The following SMURF2 variants were observed in gnomAD, a reference collection of about 807,000 sequenced individuals.
The protein encoded by SMURF2 is SMAD specific E3 ubiquitin protein ligase 2, also known as E3 ubiquitin-protein ligase SMURF2.
SMURF2 carries 48 observed loss-of-function variants against 109.6 expected under a neutral mutation model. That is an observed-to-expected ratio of 0.44 (90% CI 0.35 to 0.56). The LOEUF (loss-of-function observed/expected upper bound fraction) is 0.56. SMURF2 is among the 20% of genes least tolerant of loss of function. SMURF2 has a pLI of 0.01. For synonymous variants in SMURF2, 288 were observed against 317.1 expected (o/e 0.91, Z 0.97); for missense variants, 575 against 909.0 (o/e 0.63, Z 4.72).
chr17:64,611,101 C>T (rs1450044146), intron 1 of SMURF2, among the ~76,000 whole-genome samples: 2 of 152,184 alleles, frequency 1.3e-5, no homozygotes, highest in Non-Finnish European at 2.9e-5. Context: ...TGAAGTTCTT[C>T]AGGGTTTTGC....
chr17:64,560,946 A>T (rs2144603033), intron 12 of SMURF2: 1 of 145,872 alleles, frequency 6.9e-6, no homozygotes, highest in Admixed American at 7.1e-5. Context: ...AGCCTGGGTG[A>T]CAGAGGGAGA....
rs534403183 is a variant in SMURF2 at position 64,603,186 on chromosome 17, T to C, written c.91+3416A>G. 4.0e-5 allele frequency among the ~76,000 whole-genome samples: 6 copies of C among 151,236 alleles called. No individual in the cohort carries two copies. In the East Asian group the frequency reaches 1.2e-3, roughly 29 times the overall value. ...TTTAAATGACTTCAATTTGGCCCCC[T>C]ATAAAACACCTTATTACCTTACACA... On this transcript the variant is annotated intron_variant, in intron 2 of 18. Transcript: ENST00000262435.
intron 10 of SMURF2, among the ~76,000 whole-genome samples, chr17:64,566,505 G>GAA (rs144644076): frequency 8.4e-6 from 1 of 119,684 alleles, no homozygotes; most frequent in African/African-American, 2.9e-5. Flanking sequence ...TCCTTAAGAA[G>GAA]AAAAAAACAA....
At chr17:64,567,820 G>C (rs1969335446) in intron 10 of SMURF2, among the ~76,000 whole-genome samples, 1 of 149,184 alleles carries the variant, frequency 6.7e-6, no homozygotes, top group Non-Finnish European at 1.5e-5. Context: ...GTCCCAACTA[G>C]CTGGGATTAC....
chr17:64,636,535 G>A (rs1228627587), intron 1 of SMURF2, among the ~76,000 whole-genome samples: 2 of 150,394 alleles, frequency 1.3e-5, no homozygotes, highest in African/African-American at 4.9e-5. Flanking sequence ...CCCAGGAGGT[G>A]GAGGTTGAGT....
chr17:64,566,566 T>TG (rs1969309496), intron 10 of SMURF2, among the ~76,000 whole-genome samples: 1 of 63,184 alleles, frequency 1.6e-5, no homozygotes, highest in Non-Finnish European at 3.6e-5. Context: ...TTCTGGTTTT[T>TG]TTTTTTTTTT....
At chr17:64,613,741 T>G (rs1205543342) in intron 1 of SMURF2, among the ~76,000 whole-genome samples, 7 of 109,170 alleles carry the variant, frequency 6.4e-5, no homozygotes, top group African/African-American at 1.8e-4. Flanking sequence ...TGTGTGTGTG[T>G]GTGGAGGGGG....
At position 64,562,921 on chromosome 17, in the gene SMURF2, C is replaced by T. The variant is rs782761631; in HGVS notation, c.1062G>A (p.Ser354=). The T allele has an allele frequency of 1.1e-5, 18 of 1,614,086 alleles. No homozygotes were observed. The highest frequency in any genetic ancestry group is 1.5e-5 in the Non-Finnish European group (18 of 1,179,986). Residue 354 remains serine (S), a synonymous_variant, in exon 11 of 19, where the codon TCG becomes TCA. Transcript: ENST00000262435. ...LKDQQQQQVV[S]LCPDDTECLT... is the part of the protein sequence containing the mutation. ...GGCATTCTGTGTCATCAGGACATAA[C>T]GATACCACTTGCTGTTGCTGTTGGT...
At chr17:64,637,360 C>G (rs560710201) in intron 1 of SMURF2, among the ~76,000 whole-genome samples, 1 of 152,076 alleles carries the variant, frequency 6.6e-6, no homozygotes, top group Non-Finnish European at 1.5e-5. Flanking sequence ...CTCCTGGCCT[C>G]AAACAACCAC....
chr17:64,619,316 A>T (rs1970167460), intron 1 of SMURF2, among the ~76,000 whole-genome samples: 1 of 151,712 alleles, frequency 6.6e-6, no homozygotes, highest in African/African-American at 2.4e-5. Flanking sequence ...GTCTCTACTA[A>T]AAATACAAAA....
At chr17:64,622,383 G>A (rs1555690747) in intron 1 of SMURF2, among the ~76,000 whole-genome samples, 1 of 152,078 alleles carries the variant, frequency 6.6e-6, no homozygotes, top group Non-Finnish European at 1.5e-5. Flanking sequence ...TAAAATTGGT[G>A]TTTTATTCAG....
chr17:64,553,487 A>T (rs1969074899), intron 15 of SMURF2, among the ~76,000 whole-genome samples: 1 of 152,118 alleles, frequency 6.6e-6, no homozygotes, highest in Non-Finnish European at 1.5e-5. Flanking sequence ...CCTGAGCAAC[A>T]GAGCGAGACT....
rs1970784253 is a variant in SMURF2, at chr17:64,661,875, A to G, written c.6T>C (p.Ser2=). 1.6e-5 allele frequency: 19 copies of G among 1,210,062 alleles called. No individual in the cohort carries two copies. Among genetic ancestry groups the G allele is most frequent in the Non-Finnish European group, 1.9e-5 (19 of 974,596 alleles). The allele number at this position is 1,210,062 out of a possible 1,614,324, so 75.0% of individuals were successfully genotyped here. A position where few individuals can be genotyped will look rare whatever the true frequency, so the allele number is the denominator to read the frequency against. The change falls in exon 1 of 19, where the codon TCT becomes TCC. Residue 2 remains serine (S), a synonymous_variant. Transcript: ENST00000262435. ...GCCCGTTCCTCCGGCCTCCGGGGTT[A>G]GACATGTCCCCGGCGGCGGGGGCGG... M[S]NPGGRRNGPV... is the part of the protein sequence containing the mutation.
At chr17:64,586,462 G>A (rs1458404142) in intron 5 of SMURF2, among the ~76,000 whole-genome samples, 2 of 152,088 alleles carry the variant, frequency 1.3e-5, no homozygotes, top group African/African-American at 4.8e-5. Flanking sequence ...ATTAAGAAGA[G>A]GCATAGCTGG....
At chr17:64,608,254 G>T (rs1969999668) in intron 1 of SMURF2, among the ~76,000 whole-genome samples, 1 of 151,594 alleles carries the variant, frequency 6.6e-6, no homozygotes, top group Non-Finnish European at 1.5e-5. Flanking sequence ...CATAAACTTG[G>T]GAATGAATCT....
intron 1 of SMURF2, among the ~76,000 whole-genome samples, chr17:64,631,328 CAG>C (rs1282544902): frequency 2.2e-4 from 14 of 65,026 alleles, no homozygotes; most frequent in African/African-American, 6.1e-4. Flanking sequence ...GAGAGAGAGA[CAG>C]AGAGAGAGAG....
intron 1 of SMURF2, among the ~76,000 whole-genome samples, chr17:64,626,363 A>T (rs2144702100): frequency 6.6e-6 from 1 of 152,268 alleles, no homozygotes; most frequent in East Asian, 1.9e-4. Context: ...TATACTTGGA[A>T]CTTTTACTTG....
intron 1 of SMURF2, among the ~76,000 whole-genome samples, chr17:64,640,296 A>G (rs899594900): frequency 1.3e-5 from 2 of 152,232 alleles, no homozygotes; most frequent in African/African-American, 4.8e-5. Context: ...ACTCTTTGAG[A>G]TAATACAACT....
At chr17:64,630,782 C>A (rs1970327813) in intron 1 of SMURF2, among the ~76,000 whole-genome samples, 1 of 152,166 alleles carries the variant, frequency 6.6e-6, no homozygotes, top group Admixed American at 6.5e-5. Flanking sequence ...AAGGCTCCAG[C>A]TAAGGGCTGT....
Sources: gnomAD v4.1 joint callset for allele counts (sites outside exome capture counted in the v4.1 genomes callset) on GRCh38, gnomAD v4.1.1 for gene constraint, MANE v1.5 for transcripts, NCBI Gene and HGNC (gene_info 2026-07-23, HGNC 2026-07-21) for gene names.